The following SNTG1 variants were observed in gnomAD, a reference collection of about 807,000 sequenced individuals.
SNTG1 encodes gamma-1-syntrophin.
A neutral mutation model predicts 74.7 loss-of-function variants in SNTG1; 39 were observed. That is an observed-to-expected ratio of 0.52 (90% confidence interval 0.40 to 0.68). The LOEUF is 0.68. Ranked by LOEUF, SNTG1 falls within the 30% of genes least tolerant of loss-of-function variation. The probability of loss-of-function intolerance (pLI) is 0.00; values close to 1 mark genes in which losing one functional copy is unlikely to be tolerated. For missense variants in SNTG1, 685 were observed against 609.5 expected (o/e 1.12, Z -1.30); for synonymous variants, 254 against 217.1 (o/e 1.17, Z -1.49).
chr8:50,193,970 C>A (rs1268826198), intron 2 of SNTG1, among the ~76,000 whole-genome samples: 1 of 152,100 alleles, frequency 6.6e-6, no homozygotes. Context: ...TGGCGTACCA[C>A]ATTTATTGAC....
intron 2 of SNTG1, among the ~76,000 whole-genome samples, chr8:50,279,230 T>C (rs1264986178): frequency 1.3e-5 from 2 of 152,126 alleles, no homozygotes; most frequent in Non-Finnish European, 2.9e-5. Context: ...ATAAGAGTAT[T>C]GGTAAATCCA....
At chr8:50,688,228 T>A (rs1413857054) in intron 15 of SNTG1, among the ~76,000 whole-genome samples, 1 of 152,218 alleles carries the variant, frequency 6.6e-6, no homozygotes, top group Non-Finnish European at 1.5e-5. Context: ...CTGATGGTAG[T>A]TTCTTTTGCT....
rs2094521235 is a variant in SNTG1, at chr8:50,567,246, A to C, written c.810+14067A>C. Among the ~76,000 whole-genome samples, 3 of 152,042 alleles carry C rather than the reference A, an allele frequency of 2.0e-5. 1 individual carries two copies. The highest frequency in any genetic ancestry group is 4.4e-5 in the Non-Finnish European group (3 of 67,958). On this transcript the variant is annotated intron_variant, in intron 12 of 18. Coordinates refer to ENST00000642720, the MANE Select transcript of SNTG1 (RefSeq NM_018967.5). ...CAGAGAGGAGGCAGGTAAAATGCTA[A>C]CCTCCCTTTCAGCTAGCACTTCATG...
intron 1 of SNTG1, among the ~76,000 whole-genome samples, chr8:50,094,205 G>A (rs2079845960): frequency 6.6e-6 from 1 of 152,022 alleles, no homozygotes; most frequent in African/African-American, 2.4e-5. Flanking sequence ...GTAGAAAAGT[G>A]TGTAAAGAAA....
chr8:49,994,589 C>G (rs1814023911), intron 1 of SNTG1, among the ~76,000 whole-genome samples: 1 of 151,870 alleles, frequency 6.6e-6, no homozygotes, highest in South Asian at 2.1e-4. Flanking sequence ...TATAATGGAA[C>G]TTTATAAAGA....
At chr8:50,137,316 G>T (rs2081506334) in intron 1 of SNTG1, among the ~76,000 whole-genome samples, 1 of 152,110 alleles carries the variant, frequency 6.6e-6, no homozygotes, top group Non-Finnish European at 1.5e-5. Flanking sequence ...TCATCGTCCT[G>T]CTGATGGGAC....
intron 17 of SNTG1, among the ~76,000 whole-genome samples, chr8:50,748,055 AG>A (rs1326311993): frequency 6.6e-6 from 1 of 152,040 alleles, no homozygotes; most frequent in African/African-American, 2.4e-5. Context: ...TGAAAGTTGC[AG>A]TTTTTTTGTC....
chr8:50,415,917 G>C (rs2093007920), intron 4 of SNTG1, among the ~76,000 whole-genome samples: 1 of 152,154 alleles, frequency 6.6e-6, no homozygotes, highest in African/African-American at 2.4e-5. Context: ...AGGCATTGAA[G>C]AGACTTAATA....
chr8:50,688,172 G>C (rs930483116), intron 15 of SNTG1, among the ~76,000 whole-genome samples: 2 of 152,134 alleles, frequency 1.3e-5, no homozygotes, highest in African/African-American at 4.8e-5. Flanking sequence ...TGTCAGATGA[G>C]TAGATTGCAA....
intron 1 of SNTG1, among the ~76,000 whole-genome samples, chr8:49,935,407 T>TTTC (rs1554524030): frequency 1.3e-5 from 2 of 149,056 alleles, no homozygotes; most frequent in African/African-American, 5.0e-5. Flanking sequence ...TTTTTTTTTT[T>TTTC]TGGTGTCAAG....
intron 16 of SNTG1, chr8:50,708,165 C>T (rs1443583604): frequency 5.4e-5 from 10 of 184,268 alleles, no homozygotes; most frequent in Non-Finnish European, 6.7e-5. Context: ...CGCACCACTA[C>T]GCTCTAGCCT....
chr8:50,402,166 TA>T (rs781106624), intron 3 of SNTG1, 43 bp from the exon 4 acceptor site: 1 of 1,572,566 alleles, frequency 6.4e-7, no homozygotes, highest in African/African-American at 1.4e-5. Flanking sequence ...ACCTATAAAC[TA>T]AGTATAATTT....
chr8:50,263,413 T>A (rs1015773763), intron 2 of SNTG1, among the ~76,000 whole-genome samples: 1 of 151,964 alleles, frequency 6.6e-6, no homozygotes, highest in African/African-American at 2.4e-5. Context: ...ATGGATTAAA[T>A]AAGGTAATAA....
intron 9 of SNTG1, among the ~76,000 whole-genome samples, chr8:50,521,589 TCATTA>T (rs1177668551): frequency 6.6e-6 from 1 of 152,168 alleles, no homozygotes. Context: ...TTTGTCACAT[TCATTA>T]ACTCTTCCTT....
chr8:50,693,901 C>A (rs1273342954), intron 15 of SNTG1, among the ~76,000 whole-genome samples: 2 of 152,092 alleles, frequency 1.3e-5, no homozygotes, highest in African/African-American at 4.8e-5. Context: ...TTAAAAATTT[C>A]TTAAGACAAA....
At chr8:49,973,121 C>G (rs1319184738) in intron 1 of SNTG1, among the ~76,000 whole-genome samples, 1 of 152,052 alleles carries the variant, frequency 6.6e-6, no homozygotes, top group Non-Finnish European at 1.5e-5. Flanking sequence ...AGCCAAATGT[C>G]CAACAATGAT....
chr8:50,626,380 G>T (rs184644332), intron 13 of SNTG1, among the ~76,000 whole-genome samples: 5 of 152,066 alleles, frequency 3.3e-5, no homozygotes, highest in African/African-American at 1.2e-4. Flanking sequence ...AGACCAGCTC[G>T]GTTGAGGAGA....
chr8:50,206,241 T>C (rs1467383037), intron 2 of SNTG1, among the ~76,000 whole-genome samples: 1 of 152,104 alleles, frequency 6.6e-6, no homozygotes, highest in Non-Finnish European at 1.5e-5. Flanking sequence ...TCTTTTATTT[T>C]GTTGAGCAGT....
chr8:49,923,085 T>C (rs971751921), intron 1 of SNTG1, among the ~76,000 whole-genome samples: 4 of 152,152 alleles, frequency 2.6e-5, no homozygotes, highest in Admixed American at 1.3e-4. Flanking sequence ...TTTCAAGCAA[T>C]ATATGCATAT....
Sources: allele counts gnomAD v4.1 joint callset (sites outside exome capture counted in the v4.1 genomes callset), GRCh38; gene constraint gnomAD v4.1.1; transcripts MANE v1.5; gene names NCBI Gene and HGNC (gene_info 2026-07-23, HGNC 2026-07-21).